The following SWT1 variants were observed in gnomAD, a reference collection of about 807,000 sequenced individuals.
The protein encoded by SWT1 is transcriptional protein SWT1.
A neutral mutation model predicts 107.3 loss-of-function variants in SWT1; 33 were observed. The observed-to-expected ratio is 0.31, with a 90% CI of 0.23 to 0.41. The LOEUF (loss-of-function observed/expected upper bound fraction) is 0.41, where lower values mean the gene tolerates loss of function less well. Among genes scored for constraint, SWT1 ranks in the 10% least tolerant of loss-of-function variants. SWT1 has a pLI of 1.00. For missense variants in SWT1, 898 were observed against 1,028.9 expected (o/e 0.87, Z 1.74); for synonymous variants, 345 against 348.3 (o/e 0.99, Z 0.11).
At chr1:185,272,625 T>C (rs1005216094) in intron 17 of SWT1, among the ~76,000 whole-genome samples, 1 of 152,202 alleles carries the variant, frequency 6.6e-6, no homozygotes, top group Non-Finnish European at 1.5e-5. Flanking sequence ...TTAATTCTCC[T>C]TATCTCAATT....
At chr1:185,191,845 T>C (rs1656976109) in intron 10 of SWT1, among the ~76,000 whole-genome samples, 1 of 152,270 alleles carries the variant, frequency 6.6e-6, no homozygotes, top group East Asian at 1.9e-4. Context: ...ATTCACTGCT[T>C]TTTTTGGGAT....
chr1:185,288,295 C>T (rs1665061840), intron 18 of SWT1, among the ~76,000 whole-genome samples: 2 of 152,054 alleles, frequency 1.3e-5, no homozygotes, highest in African/African-American at 4.8e-5. Flanking sequence ...GCTTAGGCTG[C>T]TCTCAAACTC....
intron 4 of SWT1, among the ~76,000 whole-genome samples, chr1:185,169,274 A>C (rs1194274077): frequency 1.4e-5 from 2 of 145,054 alleles, no homozygotes; most frequent in Non-Finnish European, 3.0e-5. Context: ...TTTTACACTG[A>C]TATCCTTTTT....
At chr1:185,202,301 A>C (rs1657947905) in intron 10 of SWT1, among the ~76,000 whole-genome samples, 1 of 152,112 alleles carries the variant, frequency 6.6e-6, no homozygotes, top group Non-Finnish European at 1.5e-5. Context: ...TTCTCTTTGG[A>C]TAATCACATT....
chr1:185,173,665 C>T (rs1276080173), intron 4 of SWT1, among the ~76,000 whole-genome samples: 2 of 151,788 alleles, frequency 1.3e-5, no homozygotes, highest in East Asian at 1.9e-4. Flanking sequence ...GCCAAGATCG[C>T]GCCACTGCAC....
rs1322063520 is a variant in SWT1 at position 185,227,718 on chromosome 1, T to C, written c.2310-3859T>C. 6.1e-5 allele frequency: 31 copies of C among 507,760 alleles called. No individual in the cohort carries two copies. The Admixed American group carries it at 7.0e-4, about 11-fold the overall frequency. 31.5% of individuals were successfully genotyped at this position (507,760 alleles called of 1,614,324 possible). On this transcript the variant is annotated intron_variant, in intron 15 of 18. Coordinates refer to ENST00000367500, the MANE Select transcript of SWT1 (RefSeq NM_017673.7). Reference sequence around the variant, plus strand: ...AACCCCATCCTGCAGAACAGAGACCTGCGTCTGCAGCTTGACAGAGACCTG... The same window carrying C: ...AACCCCATCCTGCAGAACAGAGACCCGCGTCTGCAGCTTGACAGAGACCTG...
chr1:185,273,827 A>G (rs981801172), intron 17 of SWT1, among the ~76,000 whole-genome samples: 4 of 152,184 alleles, frequency 2.6e-5, no homozygotes, highest in Admixed American at 6.5e-5. Flanking sequence ...CTGAATTTCA[A>G]ATCAAAACAT....
At chr1:185,160,755 A>G (rs1654072962) in intron 1 of SWT1, 78 bp from the exon 2 acceptor site, 2 of 1,011,922 alleles carry the variant, frequency 2.0e-6, no homozygotes, top group Admixed American at 2.4e-5. Context: ...TCCAATCTTT[A>G]TATAACTGAA....
intron 16 of SWT1, among the ~76,000 whole-genome samples, chr1:185,255,253 T>A (rs999409312): frequency 2.0e-5 from 3 of 151,266 alleles, no homozygotes; most frequent in Non-Finnish European, 4.4e-5. Flanking sequence ...AAATGTATAT[T>A]CTGTTGATTT....
At chr1:185,198,422 G>T (rs1386106984) in intron 10 of SWT1, among the ~76,000 whole-genome samples, 1 of 152,152 alleles carries the variant, frequency 6.6e-6, no homozygotes, top group Non-Finnish European at 1.5e-5. Context: ...GTTGATTTGG[G>T]GTGGAGAGTT....
chr1:185,265,435 T>TC (rs1663306121), intron 16 of SWT1, among the ~76,000 whole-genome samples: 1 of 152,368 alleles, frequency 6.6e-6, no homozygotes, highest in South Asian at 2.1e-4. Flanking sequence ...AGACTTTTTT[T>TC]CCTTAGTGTT....
chr1:185,239,326 C>G (rs549647765), intron 16 of SWT1, among the ~76,000 whole-genome samples: 25 of 152,074 alleles, frequency 1.6e-4, no homozygotes, highest in Non-Finnish European at 3.5e-4. Flanking sequence ...TTTACATGCG[C>G]TAATCTTGCT....
intron 15 of SWT1, chr1:185,227,748 C>G (rs909840117): frequency 4.4e-6 from 2 of 449,544 alleles, no homozygotes; most frequent in African/African-American, 4.1e-5. Flanking sequence ...GACCTGCAGG[C>G]CCAGCAGCTC....
intron 5 of SWT1, chr1:185,177,035 G>C (rs914076135): frequency 4.2e-6 from 4 of 956,302 alleles, no homozygotes; most frequent in Non-Finnish European, 5.0e-6. Context: ...TATTTCTTAC[G>C]AAAAATGGAG....
intron 18 of SWT1, among the ~76,000 whole-genome samples, chr1:185,290,152 C>G (rs912695018): frequency 2.6e-5 from 4 of 152,016 alleles, no homozygotes; most frequent in African/African-American, 7.2e-5. Flanking sequence ...TGGTGTGTAC[C>G]AGTGATCCCA....
At chr1:185,248,516 A>T (rs1661769215) in intron 16 of SWT1, among the ~76,000 whole-genome samples, 1 of 152,120 alleles carries the variant, frequency 6.6e-6, no homozygotes, top group Non-Finnish European at 1.5e-5. Context: ...GGAATGATTC[A>T]CCTGGTGAGG....
intron 15 of SWT1, 56 bp downstream of exon 15, chr1:185,222,092 G>T: frequency 8.3e-7 from 1 of 1,199,178 alleles, no homozygotes; most frequent in Non-Finnish European, 1.1e-6. Flanking sequence ...CATTATAATT[G>T]TACATATTTA....
chr1:185,237,831 G>T (rs1411881516), intron 16 of SWT1, among the ~76,000 whole-genome samples: 3 of 152,132 alleles, frequency 2.0e-5, no homozygotes, highest in African/African-American at 7.2e-5. Context: ...GGGTTAAGAA[G>T]ATTTAGCATG....
chr1:185,228,233 A>C (rs2102556347), intron 15 of SWT1, among the ~76,000 whole-genome samples: 1 of 148,826 alleles, frequency 6.7e-6, no homozygotes, highest in Admixed American at 6.7e-5. Context: ...CTTAAGATAC[A>C]TTTTCTGCTA....
Sources: allele counts gnomAD v4.1 joint callset (sites outside exome capture counted in the v4.1 genomes callset), GRCh38; gene constraint gnomAD v4.1.1; transcripts MANE v1.5; gene names NCBI Gene and HGNC (gene_info 2026-07-23, HGNC 2026-07-21).